OPCML: variants seen among roughly 807,000 people sequenced by gnomAD.
The protein encoded by OPCML is opioid binding protein/cell adhesion molecule like.
OPCML carries 13 observed loss-of-function variants against 37.8 expected under a neutral mutation model. The observed-to-expected ratio is 0.34, with a 90% CI of 0.22 to 0.55. OPCML has a LOEUF of 0.55. OPCML is among the 20% of genes least tolerant of loss of function. The pLI, the probability that OPCML is intolerant of heterozygous loss-of-function variation, is 0.91. For missense variants in OPCML, 341 were observed against 435.6 expected (o/e 0.78, Z 1.93); for synonymous variants, 176 against 168.8 (o/e 1.04, Z -0.33).
At chr11:133,170,282 C>T (rs1372890234) in intron 1 of OPCML, among the ~76,000 whole-genome samples, 1 of 152,196 alleles carries the variant, frequency 6.6e-6, no homozygotes, top group East Asian at 1.9e-4. Context: ...GGAGACCATC[C>T]TGGCTAACAC....
At chr11:132,886,119 G>A (rs552407799) in intron 2 of OPCML, among the ~76,000 whole-genome samples, 39 of 152,220 alleles carry the variant, frequency 2.6e-4, no homozygotes, top group African/African-American at 7.9e-4. Context: ...ATGGATTAGC[G>A]TAATTTACAT....
At chr11:133,026,500 C>T (rs1947558092) in intron 1 of OPCML, 1 of 985,390 alleles carries the variant, frequency 1.0e-6, no homozygotes, top group Non-Finnish European at 1.2e-6. Context: ...AGGTTTTGTC[C>T]TGCTGGCAGC....
intron 1 of OPCML, among the ~76,000 whole-genome samples, chr11:133,226,870 A>T (rs1328147961): frequency 6.6e-6 from 1 of 152,144 alleles, no homozygotes; most frequent in Non-Finnish European, 1.5e-5. Flanking sequence ...TCCACCCAGC[A>T]CCCTGAGAGA....
chr11:133,011,918 A>ATGG (rs1418786354), intron 1 of OPCML, among the ~76,000 whole-genome samples: 1 of 152,240 alleles, frequency 6.6e-6, no homozygotes, highest in Non-Finnish European at 1.5e-5. Flanking sequence ...TAGTGCTGCC[A>ATGG]TTGTAGGTCA....
chr11:132,939,492 A>G (rs1179361199), intron 2 of OPCML, among the ~76,000 whole-genome samples: 1 of 152,198 alleles, frequency 6.6e-6, no homozygotes, highest in Non-Finnish European at 1.5e-5. Context: ...CACCAAAACA[A>G]AAGCAAACCA....
intron 1 of OPCML, among the ~76,000 whole-genome samples, chr11:133,085,863 G>C (rs1438002165): frequency 6.6e-6 from 1 of 152,228 alleles, no homozygotes; most frequent in African/African-American, 2.4e-5. Context: ...CAATCTAGGA[G>C]ATCATGCGTA....
At chr11:132,509,038 A>G (rs2096263319) in intron 4 of OPCML, among the ~76,000 whole-genome samples, 1 of 152,202 alleles carries the variant, frequency 6.6e-6, no homozygotes, top group South Asian at 2.1e-4. Flanking sequence ...CAAAGTGCCA[A>G]TAATGATATG....
intron 1 of OPCML, among the ~76,000 whole-genome samples, chr11:133,140,687 T>A (rs199667977): frequency 2.9e-4 from 9 of 30,564 alleles, no homozygotes; most frequent in East Asian, 2.7e-3. Context: ...AGAAGAAAGA[T>A]GGAAGACGGA....
chr11:132,665,818 A>C (rs889582945), intron 2 of OPCML, among the ~76,000 whole-genome samples: 11 of 152,158 alleles, frequency 7.2e-5, no homozygotes, highest in Non-Finnish European at 4.4e-5. Flanking sequence ...AACAACAAAA[A>C]ACATCTGAAA....
At chr11:132,777,307 T>C (rs1206394375) in intron 2 of OPCML, among the ~76,000 whole-genome samples, 1 of 152,214 alleles carries the variant, frequency 6.6e-6, no homozygotes, top group Non-Finnish European at 1.5e-5. Flanking sequence ...GTCAGGGTGT[T>C]AGGACACCTA....
At position 132,707,000 on chromosome 11, in the gene OPCML, C is replaced by A. The variant is rs576000291; in HGVS notation, c.147-49681G>T. Among the ~76,000 whole-genome samples the A allele has an allele frequency of 8.1e-4, 124 of 152,292 alleles. 1 individual carries two copies. Among genetic ancestry groups the A allele is most frequent in the African/African-American group, 2.7e-3 (111 of 41,554 alleles). On this transcript the variant is annotated intron_variant, in intron 2 of 7. Transcript: ENST00000524381. ...GCCAAGATGGCCGCCTTTCAATTAA[C>A]CTTCTGGGGATGGAAGAAAGTTGGA...
intron 2 of OPCML, among the ~76,000 whole-genome samples, chr11:132,850,781 C>T (rs1196398054): frequency 6.6e-6 from 1 of 152,204 alleles, no homozygotes; most frequent in Non-Finnish European, 1.5e-5. Context: ...AGCAAATACA[C>T]TATGCATACA....
At chr11:132,575,270 C>A (rs1024791114) in intron 3 of OPCML, among the ~76,000 whole-genome samples, 7 of 152,024 alleles carry the variant, frequency 4.6e-5, no homozygotes, top group Non-Finnish European at 8.8e-5. Context: ...GAAGGGTTTA[C>A]TATTGCTAGT....
intron 2 of OPCML, among the ~76,000 whole-genome samples, chr11:132,787,677 A>G (rs1226895894): frequency 6.6e-6 from 1 of 152,104 alleles, no homozygotes; most frequent in Non-Finnish European, 1.5e-5. Flanking sequence ...ATCTTTTGTG[A>G]ATTCCTATGT....
At chr11:133,483,525 G>C (rs540852076) in intron 1 of OPCML, among the ~76,000 whole-genome samples, 1 of 151,856 alleles carries the variant, frequency 6.6e-6, no homozygotes, top group Non-Finnish European at 1.5e-5. Context: ...TAGATACATA[G>C]ATACATAGAT....
chr11:133,002,422 A>G (rs1394619729), intron 1 of OPCML, among the ~76,000 whole-genome samples: 3 of 152,120 alleles, frequency 2.0e-5, no homozygotes, highest in Admixed American at 6.5e-5. Flanking sequence ...ATTCATAAAG[A>G]TCTGTGTTTG....
chr11:133,218,348 T>G (rs1035394149), intron 1 of OPCML, among the ~76,000 whole-genome samples: 1 of 152,072 alleles, frequency 6.6e-6, no homozygotes, highest in Non-Finnish European at 1.5e-5. Flanking sequence ...ATACAAGGTT[T>G]GTCGATAGAA....
At chr11:132,484,388 G>C (rs1457149572) in intron 4 of OPCML, among the ~76,000 whole-genome samples, 4 of 152,332 alleles carry the variant, frequency 2.6e-5, no homozygotes, top group Middle Eastern at 6.8e-3. Flanking sequence ...ACACCAGTTA[G>C]AATGGCAATC....
intron 2 of OPCML, among the ~76,000 whole-genome samples, chr11:132,912,007 GAACT>G (rs767561045): frequency 5.3e-5 from 8 of 152,040 alleles, no homozygotes; most frequent in Non-Finnish European, 8.8e-5. Context: ...TGAAAATTTG[GAACT>G]AATTGAGACG....
Sources: allele counts gnomAD v4.1 joint callset (sites outside exome capture counted in the v4.1 genomes callset), GRCh38; gene constraint gnomAD v4.1.1; transcripts MANE v1.5; gene names NCBI Gene and HGNC (gene_info 2026-07-23, HGNC 2026-07-21).